SND1: variants seen among roughly 807,000 people sequenced by gnomAD.
The protein encoded by SND1 is staphylococcal nuclease domain-containing protein 1.
Under a neutral mutation model 121.7 loss-of-function variants are expected in SND1, and 38 were observed. The observed-to-expected ratio is 0.31, with a 90% CI of 0.24 to 0.41. The LOEUF (loss-of-function observed/expected upper bound fraction) is 0.41, where lower values mean the gene tolerates loss of function less well. Among genes scored for constraint, SND1 ranks in the 10% least tolerant of loss-of-function variants. The pLI, the probability that SND1 is intolerant of heterozygous loss-of-function variation, is 1.00. For missense variants in SND1, 868 were observed against 1,184.6 expected, an observed-to-expected ratio of 0.73 and a Z score of 3.92; for synonymous variants, 401 against 447.4, an observed-to-expected ratio of 0.90 and a Z score of 1.31.
At chr7:128,074,428 G>C (rs1793470133) in intron 16 of SND1, 74 bp from the exon 17 acceptor site, 4 of 1,468,926 alleles carry the variant, frequency 2.7e-6, no homozygotes, top group Admixed American at 4.1e-5. Context: ...CGGCGCTGCT[G>C]TCCTCCCCAC....
rs117811827 is a variant in SND1 at position 127,668,736 on chromosome 7, C to A, written c.78+16285C>A. Reference sequence around the variant, plus strand: ...GCACTCACAGCTGCTTTGCCTATTTCTCTGCCAAATGACAAGAGATGGCCC... The same window carrying A: ...GCACTCACAGCTGCTTTGCCTATTTATCTGCCAAATGACAAGAGATGGCCC... On this transcript the variant is annotated intron_variant, in intron 1 of 23. Transcript: ENST00000354725. Among the ~76,000 whole-genome samples, 139 of 152,324 alleles carry A rather than the reference C, an allele frequency of 9.1e-4. 1 individual carries two copies. The East Asian group carries it at 0.024, about 26-fold the overall frequency.
chr7:127,852,278 T>A, intron 12 of SND1, among the ~76,000 whole-genome samples: 1 of 151,670 alleles, frequency 6.6e-6, no homozygotes, highest in East Asian at 1.9e-4. Context: ...GCAGATCATT[T>A]GAGGCCAGGA....
Position 127,825,751 on chromosome 7 carries a change from T to C in SND1, c.1242+18178T>C, listed in dbSNP as rs539111347. On this transcript the variant is annotated intron_variant, in intron 11 of 23. Transcript: ENST00000354725. ...ATATCTTCCATGTCTCTTCTGTATT[T>C]TTTTCTGATTATAAAAGCAATATAT... 1.9e-4 allele frequency among the ~76,000 whole-genome samples: 29 copies of C among 152,344 alleles called. No homozygotes were observed. The East Asian group carries it at 2.3e-3, about 12-fold the overall frequency.
chr7:128,087,662 T>C (rs1793708313), intron 21 of SND1, among the ~76,000 whole-genome samples: 1 of 152,188 alleles, frequency 6.6e-6, no homozygotes, highest in Non-Finnish European at 1.5e-5. Context: ...CAGTTTTCAG[T>C]TGGGGAGTGA....
intron 14 of SND1, among the ~76,000 whole-genome samples, chr7:127,910,384 G>A (rs948658252): frequency 3.3e-5 from 5 of 152,116 alleles, no homozygotes; most frequent in African/African-American, 7.2e-5. Context: ...GGCAGAGGTT[G>A]CAGTGAGCTA....
chr7:127,908,641 G>C (rs1011619751), intron 14 of SND1, among the ~76,000 whole-genome samples: 4 of 152,058 alleles, frequency 2.6e-5, no homozygotes, highest in Non-Finnish European at 5.9e-5. Context: ...TTGATTTGAA[G>C]GATGGTTCTG....
At chr7:128,011,591 G>A (rs932554435) in intron 16 of SND1, among the ~76,000 whole-genome samples, 21 of 152,160 alleles carry the variant, frequency 1.4e-4, no homozygotes, top group African/African-American at 5.1e-4. Context: ...TACCCCAGCT[G>A]CACATTGGAA....
intron 16 of SND1, among the ~76,000 whole-genome samples, chr7:128,033,530 A>G (rs928293515): frequency 1.1e-4 from 16 of 152,064 alleles, no homozygotes; most frequent in African/African-American, 3.9e-4. Context: ...TTTCTACCAC[A>G]CCTATTTCTG....
At chr7:127,888,810 T>G (rs535489630) in intron 13 of SND1, among the ~76,000 whole-genome samples, 8 of 152,184 alleles carry the variant, frequency 5.3e-5, no homozygotes, top group African/African-American at 1.9e-4. Context: ...CACTCAGCAG[T>G]TTTTCCATAG....
intron 16 of SND1, among the ~76,000 whole-genome samples, chr7:128,003,939 A>T (rs1444972968): frequency 6.6e-6 from 1 of 152,052 alleles, no homozygotes; most frequent in African/African-American, 2.4e-5. Context: ...AGGGCTGCAG[A>T]CGTGGCCATT....
chr7:127,692,323 G>T (rs1795934632), intron 2 of SND1, among the ~76,000 whole-genome samples: 1 of 152,210 alleles, frequency 6.6e-6, no homozygotes, highest in South Asian at 2.1e-4. Context: ...AAAGGAAAGA[G>T]TAATTTTGAG....
Position 127,707,656 on chromosome 7 carries a change from T to A in SND1, c.1038+9T>A. 6.2e-7 allele frequency: 1 copy of A among 1,610,618 alleles called. No homozygotes were observed. Among genetic ancestry groups the A allele is most frequent in the Non-Finnish European group, 8.5e-7 (1 of 1,176,852 alleles). On this transcript the variant is annotated intron_variant, in intron 9 of 23. Transcript: ENST00000354725. ...AGCAGTTTGTTGCCAAGGTGAGTCA[T>A]TCTCAGCATCTTGATATGCATAGTG...
Position 128,029,637 on chromosome 7 carries a change from A to G in SND1, c.1779+38581A>G. On this transcript the variant is annotated intron_variant, in intron 16 of 23. Coordinates refer to ENST00000354725, the MANE Select transcript of SND1 (RefSeq NM_014390.4). The surrounding 1 kb of genome is among the most constrained non-coding windows in gnomAD (Gnocchi z 4.2). ...CACCTCCACGAGGTAGCGGCCTCGC[A>G]TGTGCATGGGAGCATGACAGCGGCC... The G allele has an allele frequency of 1.2e-6, 2 of 1,614,000 alleles. No individual in the cohort carries two copies. The highest frequency in any genetic ancestry group is 1.1e-5 in the South Asian group (1 of 91,074).
chr7:128,048,617 G>A (rs1228093574), intron 16 of SND1, among the ~76,000 whole-genome samples: 5 of 152,148 alleles, frequency 3.3e-5, no homozygotes, highest in Non-Finnish European at 5.9e-5. Context: ...GAGGGAAGGT[G>A]TTACCCCTGA....
At chr7:127,734,596 TAGAG>T (rs1370646684) in intron 10 of SND1, among the ~76,000 whole-genome samples, 5 of 152,106 alleles carry the variant, frequency 3.3e-5, no homozygotes, top group Admixed American at 1.3e-4. Context: ...TTATGGTACA[TAGAG>T]AGAACGTAGG....
chr7:127,842,202 T>A (rs1374664938), intron 11 of SND1, among the ~76,000 whole-genome samples: 4 of 152,132 alleles, frequency 2.6e-5, no homozygotes, highest in Non-Finnish European at 5.9e-5. Flanking sequence ...AGCTGATCAG[T>A]GAGAGCTGAA....
chr7:127,683,786 T>C (rs917122578), intron 1 of SND1, among the ~76,000 whole-genome samples: 4 of 152,202 alleles, frequency 2.6e-5, no homozygotes, highest in Non-Finnish European at 5.9e-5. Flanking sequence ...TGACAGCTGC[T>C]TGAATTCATA....
chr7:127,714,976 C>T (rs976838933), intron 9 of SND1, among the ~76,000 whole-genome samples: 7 of 152,166 alleles, frequency 4.6e-5, no homozygotes, highest in African/African-American at 1.7e-4. Flanking sequence ...ACAAATATCT[C>T]TTTGAGACCC....
intron 10 of SND1, among the ~76,000 whole-genome samples, chr7:127,796,944 G>C (rs548612830): frequency 1.4e-5 from 2 of 141,714 alleles, no homozygotes; most frequent in South Asian, 4.6e-4. Flanking sequence ...CCAGGCTGGA[G>C]TGCAGTGGCA....
Sources: allele counts gnomAD v4.1 joint callset (sites outside exome capture counted in the v4.1 genomes callset), GRCh38; gene constraint gnomAD v4.1.1; non-coding constraint Gnocchi (gnomAD v3.1); transcripts MANE v1.5; gene names NCBI Gene and HGNC (gene_info 2026-07-23, HGNC 2026-07-21).